SYN3: variants seen among roughly 807,000 people sequenced by gnomAD.
The protein encoded by SYN3 is synapsin-3.
A neutral mutation model predicts 65.8 loss-of-function variants in SYN3; 35 were observed. That is an observed-to-expected ratio of 0.53 (90% CI 0.41 to 0.70). The LOEUF is 0.70. SYN3 is among the 30% of genes least tolerant of loss of function. The probability of loss-of-function intolerance (pLI) is 0.00; values close to 1 mark genes in which losing one functional copy is unlikely to be tolerated. For synonymous variants in SYN3, 270 were observed against 292.9 expected, an observed-to-expected ratio of 0.92 and a Z score of 0.80; for missense variants, 680 against 749.0, an observed-to-expected ratio of 0.91 and a Z score of 1.08.
At chr22:32,753,852 C>G (rs1236637647) in intron 6 of SYN3, among the ~76,000 whole-genome samples, 1 of 152,168 alleles carries the variant, frequency 6.6e-6, no homozygotes, top group East Asian at 1.9e-4. Context: ...CTAACAGAAG[C>G]CAATGAGAGA....
At chr22:32,859,136 A>T (rs1427533294) in intron 6 of SYN3, 1 of 1,605,206 alleles carries the variant, frequency 6.2e-7, no homozygotes, top group Non-Finnish European at 8.5e-7. Flanking sequence ...GCCTGGGCAT[A>T]CCATGGCAGA....
intron 4 of SYN3, among the ~76,000 whole-genome samples, chr22:32,880,908 T>C (rs1322574178): frequency 6.6e-6 from 1 of 152,164 alleles, no homozygotes; most frequent in East Asian, 1.9e-4. Flanking sequence ...CAGGGGCTGC[T>C]GAGATGTGCT....
chr22:32,535,519 G>C (rs1317616563), intron 9 of SYN3, among the ~76,000 whole-genome samples: 1 of 152,204 alleles, frequency 6.6e-6, no homozygotes, highest in Non-Finnish European at 1.5e-5. Context: ...TCTCTGATCA[G>C]GGTCCTCGTT....
intron 6 of SYN3, among the ~76,000 whole-genome samples, chr22:32,729,334 C>T (rs979072594): frequency 2.0e-5 from 3 of 152,198 alleles, no homozygotes; most frequent in Non-Finnish European, 4.4e-5. Flanking sequence ...GATCCCGATT[C>T]AGTGGACAGT....
At chr22:32,781,024 TCTC>T (rs1305525375) in intron 6 of SYN3, among the ~76,000 whole-genome samples, 37 of 137,420 alleles carry the variant, frequency 2.7e-4, no homozygotes, top group Middle Eastern at 3.5e-3. Flanking sequence ...TCTTTCTCTC[TCTC>T]TTTTTTCTTT....
chr22:33,055,699 G>C (rs1301944990), intron 1 of SYN3, among the ~76,000 whole-genome samples: 3 of 152,190 alleles, frequency 2.0e-5, no homozygotes, highest in Non-Finnish European at 1.5e-5. Flanking sequence ...TTTCCAAGAA[G>C]GTTATATTGA....
chr22:32,874,033 C>T (rs984975714), intron 4 of SYN3, among the ~76,000 whole-genome samples: 5 of 152,066 alleles, frequency 3.3e-5, no homozygotes, highest in African/African-American at 7.2e-5. Context: ...ACTTGGAAGG[C>T]TAGGGCACAA....
intron 13 of SYN3, among the ~76,000 whole-genome samples, chr22:32,515,912 C>T (rs1300320736): frequency 1.3e-5 from 2 of 152,110 alleles, no homozygotes; most frequent in African/African-American, 2.4e-5. Flanking sequence ...CATTCTCCTG[C>T]CTCAGCCTCC....
chr22:32,862,570 G>A (rs2048575970), intron 6 of SYN3: 1 of 152,210 alleles, frequency 6.6e-6, no homozygotes, highest in Non-Finnish European at 1.5e-5. Flanking sequence ...GCACCCAAGT[G>A]TTTGGCTTCT....
intron 6 of SYN3, among the ~76,000 whole-genome samples, chr22:32,744,449 G>A (rs1214294584): frequency 1.3e-5 from 2 of 152,166 alleles, no homozygotes; most frequent in Non-Finnish European, 2.9e-5. Context: ...GCTGGGTATC[G>A]AGTGAGCTAA....
At chr22:32,869,330 TTCTC>T (rs59752570) in intron 4 of SYN3, among the ~76,000 whole-genome samples, 8,696 of 120,960 alleles carry the variant, frequency 0.072, 707 homozygotes, top group African/African-American at 0.2. Context: ...ACTATATATA[TTCTC>T]TCTCTCTCTC....
chr22:32,700,450 A>C (rs1173133650), intron 6 of SYN3, among the ~76,000 whole-genome samples: 1 of 152,178 alleles, frequency 6.6e-6, no homozygotes, highest in Non-Finnish European at 1.5e-5. Context: ...CTAACATGCT[A>C]ATTTGAAAAG....
In SYN3 at chr22:32,622,443, CT is replaced by C. The variant is rs1473538335; in HGVS notation, c.712-25708del. Among the ~76,000 whole-genome samples, 3 of 152,232 alleles carry C rather than the reference CT, an allele frequency of 2.0e-5. 1 individual carries two copies. Among genetic ancestry groups the C allele is most frequent in the African/African-American group, 7.2e-5 (3 of 41,544 alleles). On this transcript the variant is annotated intron_variant, in intron 6 of 13. Coordinates refer to ENST00000358763, the MANE Select transcript of SYN3 (RefSeq NM_003490.4). ...CCTGCCTCATTTCCATGGAGCCTACCTTTATTGATTTGGGACCTGGGTCTTG... is the reference window on the plus strand; with the variant it reads ...CCTGCCTCATTTCCATGGAGCCTACCTTATTGATTTGGGACCTGGGTCTTG...
intron 6 of SYN3, among the ~76,000 whole-genome samples, chr22:32,739,177 G>GGC (rs1555942788): frequency 5.3e-5 from 8 of 150,882 alleles, no homozygotes; most frequent in South Asian, 4.3e-4. Context: ...GAATCACAGG[G>GGC]GGGGGGCGGT....
chr22:32,781,515 T>C (rs1423139532), intron 6 of SYN3, among the ~76,000 whole-genome samples: 1 of 152,132 alleles, frequency 6.6e-6, no homozygotes, highest in South Asian at 2.1e-4. Context: ...ATTACGATAA[T>C]GCACTTACCC....
At chr22:32,552,016 C>T (rs1176771476) in intron 7 of SYN3, among the ~76,000 whole-genome samples, 3 of 152,198 alleles carry the variant, frequency 2.0e-5, no homozygotes, top group East Asian at 1.9e-4. Flanking sequence ...TTTGGGAGGC[C>T]GAGGTGGGTG....
At chr22:32,829,965 T>C (rs130297) in intron 6 of SYN3, among the ~76,000 whole-genome samples, 133,056 of 152,232 alleles carry the variant, frequency 0.87, 58,209 homozygotes, top group East Asian at 0.89. Context: ...TCTCTCTGCA[T>C]TGCTCTGGGG....
rs79765914 is a variant in SYN3, at chr22:32,534,821, C to T, written c.993-926G>A. ...CTCTTAGAATGGAGTCTCATCTCAT[C>T]CACCAAAGCCTACTGAGGCCCAGAG... On this transcript the variant is annotated intron_variant, in intron 9 of 13. Transcript: ENST00000358763. Among the ~76,000 whole-genome samples the T allele has an allele frequency of 5.3e-5, 8 of 152,288 alleles. No individual in the cohort carries two copies. The East Asian group carries it at 1.5e-3, about 29-fold the overall frequency.
At chr22:32,554,963 T>C (rs945493559) in intron 7 of SYN3, among the ~76,000 whole-genome samples, 4 of 152,232 alleles carry the variant, frequency 2.6e-5, no homozygotes, top group African/African-American at 9.6e-5. Flanking sequence ...AATGAGATAC[T>C]ACATGTAAAT....
Sources: allele counts gnomAD v4.1 joint callset (sites outside exome capture counted in the v4.1 genomes callset), GRCh38; gene constraint gnomAD v4.1.1; transcripts MANE v1.5; gene names NCBI Gene and HGNC (gene_info 2026-07-23, HGNC 2026-07-21).